Variants in USH2A observed in about 807,000 individuals in gnomAD.
The protein encoded by USH2A is usherin.
Under a neutral mutation model 538.9 loss-of-function variants are expected in USH2A, and 443 were observed. That is an observed-to-expected ratio of 0.82 (90% confidence interval 0.76 to 0.89). USH2A has a LOEUF of 0.89. USH2A is among the 40% of genes least tolerant of loss of function. The pLI, the probability that USH2A is intolerant of heterozygous loss-of-function variation, is 0.00. For synonymous variants in USH2A, 2,413 were observed against 2,273.5 expected (o/e 1.06, Z -1.75); for missense variants, 6,633 against 6,324.8 (o/e 1.05, Z -1.65).
chr1:215,683,942 T>C (rs1280083935), intron 61 of USH2A, among the ~76,000 whole-genome samples: 1 of 148,692 alleles, frequency 6.7e-6, no homozygotes, highest in African/African-American at 2.5e-5. Context: ...TATGTCCACG[T>C]CCATATTGTA....
chr1:216,036,780 C>G (rs1230195067), intron 32 of USH2A, among the ~76,000 whole-genome samples: 1 of 151,962 alleles, frequency 6.6e-6, no homozygotes, highest in Non-Finnish European at 1.5e-5. Flanking sequence ...AATTTAACAA[C>G]TAACAACATC....
rs1340697954 is a variant in USH2A, at chr1:215,798,967, C to T, written c.9898G>A (p.Val3300Met). 3 of 1,614,120 alleles carry T rather than the reference C, an allele frequency of 1.9e-6. No homozygotes were observed. The change falls in exon 50 of 72, where the codon GTG (valine) becomes ATG (methionine). Residue 3300 changes from valine to methionine, a missense_variant. Transcript: ENST00000307340. ...CCACAACACTCTAAATCGTTGCTCA[C>T]AATCTGTCTGCCACAGCACTTCTGG... The part of the protein sequence containing the change: ...HGQKCCGRQI[V>M]SNDLECCGGE...
At chr1:215,668,229 C>G (rs749892822) in intron 64 of USH2A, among the ~76,000 whole-genome samples, 3 of 152,172 alleles carry the variant, frequency 2.0e-5, no homozygotes, top group Non-Finnish European at 4.4e-5. Flanking sequence ...GCAAATTCAT[C>G]ACAAATACAA....
chr1:215,900,097 A>T lies in USH2A; in HGVS notation c.7572T>A (p.Ile2524=), dbSNP rs150880091. 1.9e-6 allele frequency: 3 copies of T among 1,613,768 alleles called. No homozygotes were observed. The highest frequency in any genetic ancestry group is 2.5e-6 in the Non-Finnish European group (3 of 1,179,762). Residue 2524 remains isoleucine (I), a synonymous_variant, in exon 40 of 72, where the codon ATT becomes ATA. Transcript: ENST00000307340. The part of the protein sequence containing the change: ...NGFGSAHSSW[I]PFMTAEDKPG... Reference sequence around the variant, plus strand: ...TACTGTCCTCTGCGGTCATGAATGGAATCCAAGAACTATGTGCACTGCCAA... The same window carrying T: ...TACTGTCCTCTGCGGTCATGAATGGTATCCAAGAACTATGTGCACTGCCAA...
intron 38 of USH2A, among the ~76,000 whole-genome samples, chr1:215,904,759 T>A (rs1160215002): frequency 6.6e-6 from 1 of 152,096 alleles, no homozygotes; most frequent in Non-Finnish European, 1.5e-5. Context: ...ACACAGCGAC[T>A]AGATAAAACA....
chr1:216,242,231 C>A (rs891476721), intron 13 of USH2A, among the ~76,000 whole-genome samples: 22 of 151,322 alleles, frequency 1.5e-4, no homozygotes, highest in African/African-American at 5.1e-4. Context: ...GCCTGTAGTC[C>A]CAGCTGCTCG....
Position 215,965,435 on chromosome 1 carries a change from A to G in USH2A, c.7002T>C (p.Asn2334=), listed in dbSNP as rs767954801. The G allele has an allele frequency of 1.2e-6, 2 of 1,613,800 alleles. No homozygotes were observed. The highest frequency in any genetic ancestry group is 1.7e-6 in the Non-Finnish European group (2 of 1,179,804). ...TLEAPPEGTV[N]VFVKTQGSRK... is the part of the protein sequence containing the mutation. ...GGGATCCCTGTGTTTTGACAAACAC[A>G]TTTACTGTTCCTTCAGGAGGAGCTT... Residue 2334 remains asparagine (N), a synonymous_variant, in exon 37 of 72, where the codon AAT becomes AAC. Coordinates refer to ENST00000307340, the MANE Select transcript of USH2A (RefSeq NM_206933.4).
intron 13 of USH2A, 62 bp downstream of exon 13, chr1:216,246,523 T>G: frequency 6.2e-7 from 1 of 1,611,116 alleles, no homozygotes; most frequent in Non-Finnish European, 8.5e-7. Flanking sequence ...CAGGGAGAAG[T>G]TACCTAAGTT....
At chr1:216,398,337 T>C (rs998726920) in intron 3 of USH2A, among the ~76,000 whole-genome samples, 2 of 152,092 alleles carry the variant, frequency 1.3e-5, no homozygotes. Context: ...ACATGGCAAA[T>C]TCCCTAGTTT....
At chr1:216,118,124 T>C (rs2033052030) in intron 21 of USH2A, among the ~76,000 whole-genome samples, 1 of 152,122 alleles carries the variant, frequency 6.6e-6, no homozygotes, top group African/African-American at 2.4e-5. Flanking sequence ...TATCCTCCTC[T>C]AGAAGTGGGC....
rs184516050 is a variant in USH2A at position 216,139,389 on chromosome 1, G to A, written c.4627+35863C>T. 6.6e-3 allele frequency among the ~76,000 whole-genome samples: 986 copies of A among 149,976 alleles called. 13 individuals are homozygous for A. The highest frequency in any genetic ancestry group is 0.021 in the African/African-American group (869 of 40,688). On this transcript the variant is annotated intron_variant, in intron 21 of 71. Transcript: ENST00000307340. The stretch of plus-strand genomic sequence containing the variant: ...ACCCTTGAGTCGCAGCTGACTCAAG[G>A]TGTTGAATTTTTCTTCCCCTCTACA...
intron 68 of USH2A, among the ~76,000 whole-genome samples, chr1:215,639,735 G>A (rs1349160031): frequency 2.0e-5 from 3 of 152,198 alleles, no homozygotes. Context: ...GGTAGAACCT[G>A]TGTCTCCCAA....
chr1:216,273,826 AAAC>A (rs1165356722), intron 11 of USH2A, among the ~76,000 whole-genome samples: 54 of 151,876 alleles, frequency 3.6e-4, no homozygotes, highest in African/African-American at 1.3e-3. Context: ...AAAAAAAAAA[AAAC>A]AAACCAGCAC....
chr1:216,330,129 G>A (rs574042265), intron 4 of USH2A, among the ~76,000 whole-genome samples: 3 of 152,068 alleles, frequency 2.0e-5, no homozygotes, highest in Admixed American at 6.6e-5. Context: ...TAAATGTCAG[G>A]GTGGCTTCAT....
chr1:216,375,113 C>T (rs2038793676), intron 3 of USH2A, among the ~76,000 whole-genome samples: 1 of 152,158 alleles, frequency 6.6e-6, no homozygotes, highest in South Asian at 2.1e-4. Flanking sequence ...TTTCTATAAA[C>T]CATTGACCCT....
In USH2A at chr1:215,804,499, A is replaced by G. The variant is rs999285166; in HGVS notation, c.9740-5374T>C. Among the ~76,000 whole-genome samples, 15 of 150,872 alleles carry G rather than the reference A, an allele frequency of 9.9e-5. 1 individual carries two copies. Among genetic ancestry groups the G allele is most frequent in the Non-Finnish European group, 1.8e-4 (12 of 67,868 alleles). On this transcript the variant is annotated intron_variant, in intron 49 of 71. Transcript: ENST00000307340. ...GATATGAACAGACACTTCTCAAAAG[A>G]AGACATTTATGCAGACAAAAGATAC...
chr1:215,740,373 C>T (rs185969386), intron 60 of USH2A, among the ~76,000 whole-genome samples: 42 of 152,308 alleles, frequency 2.8e-4, no homozygotes, highest in African/African-American at 9.6e-4. Flanking sequence ...CTCTCTCTCT[C>T]TCTCAATCTC....
chr1:215,864,737 T>C (rs543345562), intron 44 of USH2A, among the ~76,000 whole-genome samples: 1 of 152,330 alleles, frequency 6.6e-6, no homozygotes, highest in Non-Finnish European at 1.5e-5. Context: ...TTGCAACATC[T>C]GCCTTCCAAA....
chr1:215,945,863 C>T (rs1316848143), intron 37 of USH2A, among the ~76,000 whole-genome samples: 1 of 151,948 alleles, frequency 6.6e-6, no homozygotes, highest in Non-Finnish European at 1.5e-5. Context: ...GAGTAGCTCA[C>T]CCAAGGGAAT....
Sources: allele counts gnomAD v4.1 joint callset (sites outside exome capture counted in the v4.1 genomes callset), GRCh38; gene constraint gnomAD v4.1.1; transcripts MANE v1.5; gene names NCBI Gene and HGNC (gene_info 2026-07-23, HGNC 2026-07-21).